Variants in PLCH1 observed in about 807,000 individuals in gnomAD.
PLCH1 encodes the protein 1-phosphatidylinositol 4,5-bisphosphate phosphodiesterase eta-1.
In PLCH1, 60 loss-of-function variants were observed where a neutral mutation model predicts 126.7. That is an observed-to-expected ratio of 0.47 (90% CI 0.38 to 0.59). The LOEUF (loss-of-function observed/expected upper bound fraction) is 0.59. Ranked by LOEUF, PLCH1 falls within the 20% of genes least tolerant of loss-of-function variation. PLCH1 has a pLI of 0.00. For synonymous variants in PLCH1, 719 were observed against 734.9 expected (o/e 0.98, Z 0.35); for missense variants, 1,723 against 2,040.0 (o/e 0.84, Z 2.99).
intron 2 of PLCH1, among the ~76,000 whole-genome samples, chr3:155,619,721 A>T (rs1027812927): frequency 1.8e-4 from 28 of 152,142 alleles, no homozygotes; most frequent in Admixed American, 6.5e-4. Flanking sequence ...AATCCAAGGG[A>T]CTAAAAGCTT....
intron 6 of PLCH1, among the ~76,000 whole-genome samples, chr3:155,574,106 G>C (rs1729616516): frequency 6.6e-6 from 1 of 152,036 alleles, no homozygotes; most frequent in Admixed American, 6.5e-5. Context: ...GTGGAGACGG[G>C]GTTTCACCAT....
At chr3:155,648,757 G>A (rs1740337680) in intron 2 of PLCH1, among the ~76,000 whole-genome samples, 1 of 152,182 alleles carries the variant, frequency 6.6e-6, no homozygotes, top group South Asian at 2.1e-4. Context: ...AGGATATAAA[G>A]AGAAAGCAAA....
chr3:155,631,344 T>G (rs112608314), intron 2 of PLCH1, among the ~76,000 whole-genome samples: 3 of 44,926 alleles, frequency 6.7e-5, no homozygotes, highest in Admixed American at 2.3e-4. Context: ...TTAAGTACAC[T>G]GTGTTTAAAT....
intron 21 of PLCH1, among the ~76,000 whole-genome samples, chr3:155,463,470 G>C (rs1712805748): frequency 6.6e-6 from 1 of 152,162 alleles, no homozygotes; most frequent in South Asian, 2.1e-4. Context: ...TTCAGAAAAG[G>C]CAATGGTGTG....
At position 155,482,807 on chromosome 3, in the gene PLCH1, G is replaced by A. The variant is rs1714386585; in HGVS notation, c.3219C>T (p.Ser1073=). 6.2e-7 allele frequency: 1 copy of A among 1,613,958 alleles called. No individual in the cohort carries two copies. The highest frequency in any genetic ancestry group is 1.1e-5 in the South Asian group (1 of 91,082). ...TSNCQENPCP[S]KSLSPKQHLA... ...AATGCTGCTTTGGGGAGAGAGACTT[G>A]CTGGGACAGGGGTTTTCCTGGCAAT... Residue 1073 remains serine (S), a synonymous_variant, in exon 23 of 23, where the codon AGC becomes AGT. Transcript: ENST00000460012.
intron 1 of PLCH1, among the ~76,000 whole-genome samples, chr3:155,736,931 G>C (rs984063174): frequency 7.9e-5 from 12 of 151,152 alleles, no homozygotes; most frequent in African/African-American, 2.7e-4. Context: ...AATTCAAAAG[G>C]CATAAAAGAG....
rs139926371 is a variant in PLCH1 at position 155,531,071 on chromosome 3, G to A, written c.1363-7067C>T. Among the ~76,000 whole-genome samples, 664 of 122,238 alleles carry A rather than the reference G, an allele frequency of 5.4e-3. 5 individuals carry two copies. Among genetic ancestry groups the A allele is most frequent in the African/African-American group, 0.02 (621 of 31,746 alleles). The allele number at this position is 122,238 out of a possible 152,430, so 80.2% of individuals were successfully genotyped here. On this transcript the variant is annotated intron_variant, in intron 10 of 22. Coordinates refer to ENST00000460012, the MANE Select transcript of PLCH1 (RefSeq NM_014996.4). ...GGGCTTAAAATATTCAGTAAACCAT[G>A]CTGTAAAAATATGTGCTGTCATCAG...
At chr3:155,640,320 A>T (rs1188949422) in intron 2 of PLCH1, among the ~76,000 whole-genome samples, 1 of 152,212 alleles carries the variant, frequency 6.6e-6, no homozygotes, top group Non-Finnish European at 1.5e-5. Flanking sequence ...ATTCCTTGAG[A>T]TGACTCAATA....
downstream of PLCH1, among the ~76,000 whole-genome samples, chr3:155,477,712 G>A (rs1007082182): frequency 2.6e-5 from 4 of 152,110 alleles, no homozygotes; most frequent in Non-Finnish European, 5.9e-5. Context: ...TCTCACCCCA[G>A]TTAAAATGGC....
chr3:155,517,341 C>T (rs1361596626), intron 11 of PLCH1, among the ~76,000 whole-genome samples: 3 of 152,058 alleles, frequency 2.0e-5, no homozygotes, highest in African/African-American at 7.2e-5. Flanking sequence ...TTCCTGTGAC[C>T]AATTTAACAA....
intron 1 of PLCH1, among the ~76,000 whole-genome samples, chr3:155,732,883 A>T (rs1399406831): frequency 6.6e-6 from 1 of 151,276 alleles, no homozygotes; most frequent in African/African-American, 2.4e-5. Flanking sequence ...ATCTCAAAAA[A>T]AAAAAAAAAA....
At chr3:155,590,330 G>C (rs1376876325) in intron 4 of PLCH1, among the ~76,000 whole-genome samples, 1 of 152,160 alleles carries the variant, frequency 6.6e-6, no homozygotes, top group Non-Finnish European at 1.5e-5. Flanking sequence ...TGTAATCCCA[G>C]CACTTTGGGA....
chr3:155,515,040 TC>T (rs1720121478), intron 11 of PLCH1, among the ~76,000 whole-genome samples, 156 bp from the exon 12 acceptor site: 1 of 152,212 alleles, frequency 6.6e-6, no homozygotes, highest in South Asian at 2.1e-4. Context: ...CAGTCTTCCC[TC>T]CTCCACAAAT....
At chr3:155,661,890 T>C (rs1166644195) in intron 2 of PLCH1, among the ~76,000 whole-genome samples, 4 of 152,188 alleles carry the variant, frequency 2.6e-5, no homozygotes, top group African/African-American at 4.8e-5. Flanking sequence ...CTTAAGCAAA[T>C]AGGCACTTCC....
At chr3:155,515,448 A>G (rs1036740068) in intron 11 of PLCH1, among the ~76,000 whole-genome samples, 1 of 152,266 alleles carries the variant, frequency 6.6e-6, no homozygotes, top group Non-Finnish European at 1.5e-5. Context: ...GTTGAGGATT[A>G]TTGTGAGATA....
At chr3:155,505,416 T>C (rs1005187427) in intron 12 of PLCH1, among the ~76,000 whole-genome samples, 4 of 152,138 alleles carry the variant, frequency 2.6e-5, no homozygotes, top group African/African-American at 9.7e-5. Context: ...TCATTACTAA[T>C]AACATGGTAT....
chr3:155,656,246 C>T (rs1741351080), intron 2 of PLCH1, among the ~76,000 whole-genome samples: 1 of 151,450 alleles, frequency 6.6e-6, no homozygotes, highest in South Asian at 2.1e-4. Flanking sequence ...ACCAAAGCTT[C>T]AAAGGATAGA....
At chr3:155,694,601 A>G (rs1745659920) in intron 2 of PLCH1, among the ~76,000 whole-genome samples, 1 of 152,252 alleles carries the variant, frequency 6.6e-6, no homozygotes, top group Admixed American at 6.5e-5. Context: ...TTAATTGAGC[A>G]TAAGCCACCA....
At chr3:155,542,901 C>G (rs1177532706) in intron 10 of PLCH1, among the ~76,000 whole-genome samples, 1 of 152,058 alleles carries the variant, frequency 6.6e-6, no homozygotes, top group Non-Finnish European at 1.5e-5. Context: ...TCACCATCAT[C>G]AAAGACCAAA....
Sources: allele counts gnomAD v4.1 joint callset (sites outside exome capture counted in the v4.1 genomes callset), GRCh38; gene constraint gnomAD v4.1.1; transcripts MANE v1.5; gene names NCBI Gene and HGNC (gene_info 2026-07-23, HGNC 2026-07-21).